The following LRRC1 variants were observed in gnomAD, a reference collection of about 807,000 sequenced individuals.
LRRC1 encodes the protein leucine rich repeat containing 1.
LRRC1 carries 28 observed loss-of-function variants against 69.9 expected under a neutral mutation model. That is an observed-to-expected ratio of 0.40 (90% confidence interval 0.30 to 0.55). LRRC1 has a LOEUF of 0.55. LRRC1 is among the 20% of genes least tolerant of loss of function. The pLI is 0.47. For missense variants in LRRC1, 498 were observed against 609.0 expected (o/e 0.82, Z 1.92); for synonymous variants, 236 against 240.2 (o/e 0.98, Z 0.16).
intron 13 of LRRC1, among the ~76,000 whole-genome samples, chr6:53,921,584 A>G (rs1050330700): frequency 1.3e-5 from 2 of 152,166 alleles, no homozygotes; most frequent in Non-Finnish European, 2.9e-5. Flanking sequence ...GTACTTGAAA[A>G]TTTCGTCTCT....
chr6:53,853,322 T>C (rs1384166976), intron 2 of LRRC1, among the ~76,000 whole-genome samples: 1 of 150,420 alleles, frequency 6.6e-6, no homozygotes, highest in African/African-American at 2.5e-5. Flanking sequence ...TTTCGCTCTG[T>C]TGCCCAGGCT....
intron 8 of LRRC1, among the ~76,000 whole-genome samples, chr6:53,902,286 T>C (rs1332615979): frequency 6.6e-6 from 1 of 152,190 alleles, no homozygotes; most frequent in East Asian, 1.9e-4. Flanking sequence ...ATAAGGATAA[T>C]GCTTGGAGTA....
chr6:53,867,816 G>A (rs9395883), intron 2 of LRRC1, among the ~76,000 whole-genome samples: 57,986 of 151,568 alleles, frequency 0.38, 11,604 homozygotes, highest in East Asian at 0.67. Flanking sequence ...TTAGCTGGGC[G>A]TGGTGGCGTG....
At chr6:53,893,791 CA>C (rs1767780649) in intron 4 of LRRC1, among the ~76,000 whole-genome samples, 1 of 152,110 alleles carries the variant, frequency 6.6e-6, no homozygotes, top group Non-Finnish European at 1.5e-5. Flanking sequence ...TTCCCCCAAA[CA>C]GTAGAAACTT....
intron 2 of LRRC1, among the ~76,000 whole-genome samples, chr6:53,852,546 G>A (rs1285548814): frequency 6.6e-6 from 1 of 152,186 alleles, no homozygotes; most frequent in Non-Finnish European, 1.5e-5. Context: ...AGGGATGGCT[G>A]ATGAAGAAAC....
intron 10 of LRRC1, among the ~76,000 whole-genome samples, chr6:53,910,412 T>C (rs923474620): frequency 7.9e-5 from 12 of 152,128 alleles, no homozygotes; most frequent in Admixed American, 2.0e-4. Context: ...CCAAAATATA[T>C]ATGAATGATG....
intron 2 of LRRC1, among the ~76,000 whole-genome samples, chr6:53,845,822 T>G (rs1581869463): frequency 6.6e-6 from 1 of 152,194 alleles, no homozygotes; most frequent in Non-Finnish European, 1.5e-5. Flanking sequence ...ACCCTGCTGG[T>G]CCCCAGCCAC....
chr6:53,899,961 T>A lies in LRRC1; in HGVS notation c.787+70T>A, dbSNP rs938520373. 7 of 1,479,394 alleles carry A rather than the reference T, an allele frequency of 4.7e-6. No individual in the cohort carries two copies. In the African/African-American group the frequency reaches 5.6e-5, roughly 12 times the overall value. The allele number at this position is 1,479,394 out of a possible 1,614,324, so 91.6% of individuals were successfully genotyped here. A position where few individuals can be genotyped will look rare whatever the true frequency, so the allele number is the denominator to read the frequency against. ...CGTCTTGAGGGTTTGGGGCACACTT[T>A]GATCCTTTGGTCACCACTTTCAGAT... On this transcript the variant is annotated intron_variant, in intron 8 of 13. Transcript: ENST00000370888.
intron 2 of LRRC1, among the ~76,000 whole-genome samples, chr6:53,852,696 T>C (rs764153610): frequency 1.8e-4 from 27 of 152,162 alleles, no homozygotes; most frequent in Non-Finnish European, 3.1e-4. Context: ...CTGATAGTTA[T>C]TTTGAGAGGA....
intron 10 of LRRC1, among the ~76,000 whole-genome samples, chr6:53,911,065 A>G (rs545249449): frequency 1.3e-5 from 2 of 152,358 alleles, no homozygotes; most frequent in South Asian, 2.1e-4. Flanking sequence ...ACCATAGACA[A>G]TAGAGATCAG....
intron 4 of LRRC1, among the ~76,000 whole-genome samples, chr6:53,886,912 T>G (rs771708025): frequency 3.9e-5 from 6 of 152,256 alleles, no homozygotes; most frequent in Non-Finnish European, 8.8e-5. Flanking sequence ...GGGATCAGCT[T>G]GTACTCTGAT....
At chr6:53,854,043 T>C (rs1425925603) in intron 2 of LRRC1, among the ~76,000 whole-genome samples, 2 of 152,214 alleles carry the variant, frequency 1.3e-5, no homozygotes, top group African/African-American at 4.8e-5. Flanking sequence ...ATTTTCTTAG[T>C]GTGGCACATT....
At chr6:53,899,678 A>G in intron 7 of LRRC1, 69 bp from the exon 8 acceptor site, 5 of 1,467,224 alleles carry the variant, frequency 3.4e-6, no homozygotes, top group Non-Finnish European at 4.6e-6. Flanking sequence ...GTGAAAAATC[A>G]CTGGAACAAA....
In LRRC1 at chr6:53,846,253, A is replaced by C. The variant is rs1456156406; in HGVS notation, c.277+4026A>C. Among the ~76,000 whole-genome samples, 5 of 152,338 alleles carry C rather than the reference A, an allele frequency of 3.3e-5. No homozygotes were observed. The South Asian group carries it at 6.2e-4, about 19-fold the overall frequency. On this transcript the variant is annotated intron_variant, in intron 2 of 13. Coordinates refer to ENST00000370888, the MANE Select transcript of LRRC1 (RefSeq NM_018214.5). ...TCAAGGGAATTGTGTGCTGTGTTGG[A>C]AAAGAGAAGCATGAGTTTAGGGAAA...
intron 4 of LRRC1, among the ~76,000 whole-genome samples, chr6:53,892,011 T>TATACATACACACAC (rs1428852703): frequency 7.4e-6 from 1 of 135,340 alleles, no homozygotes; most frequent in Non-Finnish European, 1.5e-5. Flanking sequence ...TATATATATA[T>TATACATACACACAC]ACACACACAC....
intron 1 of LRRC1, among the ~76,000 whole-genome samples, chr6:53,835,825 G>T (rs1765598115): frequency 6.6e-6 from 1 of 152,130 alleles, no homozygotes; most frequent in Admixed American, 6.5e-5. Flanking sequence ...TGGCATATCT[G>T]AGGTTTCTAC....
intron 2 of LRRC1, among the ~76,000 whole-genome samples, chr6:53,876,921 G>A (rs566468401): frequency 4.5e-4 from 68 of 152,238 alleles, no homozygotes; most frequent in Middle Eastern, 3.4e-3. Context: ...CCCTCTTCTC[G>A]CAGTTCCACT....
chr6:53,911,050 C>T (rs528176804), intron 10 of LRRC1, among the ~76,000 whole-genome samples: 1 of 152,334 alleles, frequency 6.6e-6, no homozygotes, highest in East Asian at 1.9e-4. Flanking sequence ...CATTGTTTTT[C>T]ATAAACCATA....
At chr6:53,798,797 C>T (rs1764378696) in intron 1 of LRRC1, among the ~76,000 whole-genome samples, 1 of 152,226 alleles carries the variant, frequency 6.6e-6, no homozygotes, top group Non-Finnish European at 1.5e-5. Flanking sequence ...CCTCCCTCTG[C>T]TTCTTTCTTT....
Sources: allele counts gnomAD v4.1 joint callset (sites outside exome capture counted in the v4.1 genomes callset), GRCh38; gene constraint gnomAD v4.1.1; transcripts MANE v1.5; gene names NCBI Gene and HGNC (gene_info 2026-07-23, HGNC 2026-07-21).